Variants in RBFOX1 observed in about 807,000 individuals in gnomAD.
RBFOX1 encodes RNA binding protein fox-1 homolog 1.
A neutral mutation model predicts 57.7 loss-of-function variants in RBFOX1; 8 were observed. The ratio of observed to expected loss-of-function variants is 0.14; its 90% CI spans 0.08 to 0.25. The LOEUF (loss-of-function observed/expected upper bound fraction) is 0.25. Among genes scored for constraint, RBFOX1 ranks in the 10% least tolerant of loss-of-function variants. The pLI is 1.00. For missense variants in RBFOX1, 611 were observed against 548.5 expected (o/e 1.11, Z -1.14); for synonymous variants, 326 against 222.4 (o/e 1.47, Z -4.15).
At chr16:6,367,380 C>T (rs1173723472) in intron 2 of RBFOX1, among the ~76,000 whole-genome samples, 1 of 152,104 alleles carries the variant, frequency 6.6e-6, no homozygotes, top group Non-Finnish European at 1.5e-5. Flanking sequence ...AGGTGATTCC[C>T]CTGCCTCAGC....
chr16:6,649,287 G>A (rs1351075932), intron 2 of RBFOX1, among the ~76,000 whole-genome samples: 2 of 152,110 alleles, frequency 1.3e-5, no homozygotes, highest in Admixed American at 6.5e-5. Context: ...CTTTATTAAG[G>A]CTGAAATGGT....
chr16:7,619,253 G>GTTT (rs1316700913), intron 10 of RBFOX1, among the ~76,000 whole-genome samples: 70 of 152,174 alleles, frequency 4.6e-4, no homozygotes, highest in African/African-American at 1.6e-3. Context: ...TCTAGTGTTT[G>GTTT]GTTGATGTGC....
At chr16:7,269,003 C>G (rs921747548) in intron 4 of RBFOX1, among the ~76,000 whole-genome samples, 1 of 140,996 alleles carries the variant, frequency 7.1e-6, no homozygotes, top group Non-Finnish European at 1.5e-5. Flanking sequence ...CGCCAGTGCA[C>G]TCCAGCTTGG....
At chr16:6,079,829 C>G (rs761001159) in intron 1 of RBFOX1, among the ~76,000 whole-genome samples, 1 of 152,140 alleles carries the variant, frequency 6.6e-6, no homozygotes, top group African/African-American at 2.4e-5. Flanking sequence ...AAGCAAGACC[C>G]TGTCTCAAGC....
intron 3 of RBFOX1, among the ~76,000 whole-genome samples, chr16:6,763,043 G>T (rs2076847054): frequency 6.6e-6 from 1 of 151,940 alleles, no homozygotes; most frequent in South Asian, 2.1e-4. Context: ...ATTCATGGCT[G>T]TTTATTATTA....
intron 2 of RBFOX1, among the ~76,000 whole-genome samples, chr16:6,587,046 C>A (rs972446338): frequency 2.0e-5 from 3 of 151,970 alleles, no homozygotes; most frequent in African/African-American, 2.4e-5. Flanking sequence ...CACTTAAAAT[C>A]TATTCCTTTA....
intron 3 of RBFOX1, among the ~76,000 whole-genome samples, chr16:6,728,080 G>A (rs994355767): frequency 5.9e-5 from 9 of 152,150 alleles, no homozygotes. Context: ...TTAGCATAGA[G>A]CTAGCCACCA....
intron 4 of RBFOX1, among the ~76,000 whole-genome samples, chr16:7,102,079 T>G (rs1467641758): frequency 1.3e-5 from 2 of 152,146 alleles, no homozygotes; most frequent in Non-Finnish European, 2.9e-5. Context: ...AGGGTGCTTT[T>G]TCTAACTCAC....
chr16:5,512,808 T>C (rs2043651813), intron 2 of RBFOX1, among the ~76,000 whole-genome samples: 1 of 152,208 alleles, frequency 6.6e-6, no homozygotes, highest in African/African-American at 2.4e-5. Context: ...TTAGGATTCC[T>C]TTAGTTCTTG....
chr16:7,371,951 T>A (rs2097574392), intron 4 of RBFOX1, among the ~76,000 whole-genome samples: 1 of 151,746 alleles, frequency 6.6e-6, no homozygotes, highest in South Asian at 2.1e-4. Flanking sequence ...CTTATTTAAG[T>A]CATTCCCTTA....
At chr16:7,528,815 G>T (rs2079289607) in intron 5 of RBFOX1, among the ~76,000 whole-genome samples, 1 of 152,168 alleles carries the variant, frequency 6.6e-6, no homozygotes, top group Admixed American at 6.5e-5. Context: ...TGAATTCAAG[G>T]CTGGAAAAAG....
At chr16:6,767,354 C>T (rs187843535) in intron 3 of RBFOX1, among the ~76,000 whole-genome samples, 298 of 152,206 alleles carry the variant, frequency 2.0e-3, no homozygotes, top group African/African-American at 6.1e-3. Flanking sequence ...TTTCTCTGCC[C>T]CCCTGAGAAT....
At chr16:6,828,120 C>G (rs781713938) in intron 3 of RBFOX1, among the ~76,000 whole-genome samples, 1 of 152,136 alleles carries the variant, frequency 6.6e-6, no homozygotes, top group Non-Finnish European at 1.5e-5. Context: ...TGGCATGGGA[C>G]AGCAGTCAGG....
intron 4 of RBFOX1, among the ~76,000 whole-genome samples, chr16:7,448,823 AT>A (rs1484702073): frequency 2.0e-5 from 3 of 150,950 alleles, no homozygotes; most frequent in African/African-American, 7.3e-5. Context: ...CAGCCATTGG[AT>A]TTAGGGCCCA....
intron 1 of RBFOX1, among the ~76,000 whole-genome samples, chr16:5,385,732 C>T (rs1472508092): frequency 6.6e-6 from 1 of 152,188 alleles, no homozygotes; most frequent in Non-Finnish European, 1.5e-5. Context: ...AGCAGGGTCC[C>T]ATTTAATAGG....
chr16:7,284,959 C>T lies in RBFOX1; in HGVS notation c.27+232861C>T, dbSNP rs117388273. Among the ~76,000 whole-genome samples, 14 of 152,166 alleles carry T rather than the reference C, an allele frequency of 9.2e-5. No individual in the cohort carries two copies. In the East Asian group the frequency reaches 2.7e-3, roughly 29 times the overall value. On this transcript the variant is annotated intron_variant, in intron 4 of 15. Transcript: ENST00000550418. ...CTTTTCTGGAACATTTTCCCACCCA[C>T]CTTTCTCCTCGCCAACGCCTCATCC...
rs567513864 is a variant in RBFOX1, at chr16:6,632,770, G to A, written c.-63-21833G>A. On this transcript the variant is annotated intron_variant, in intron 2 of 15. Coordinates refer to ENST00000550418, the MANE Select transcript of RBFOX1 (RefSeq NM_018723.4). ...GCCGCAAGGCCTATGACCTCAAAGAGTGACTTAGGCTGACTTTATCAGCCT... is the reference window on the plus strand; with the variant it reads ...GCCGCAAGGCCTATGACCTCAAAGAATGACTTAGGCTGACTTTATCAGCCT... 2.0e-4 allele frequency among the ~76,000 whole-genome samples: 31 copies of A among 152,336 alleles called. 1 individual carries two copies. In the South Asian group the frequency reaches 6.0e-3, roughly 30 times the overall value.
chr16:7,542,427 A>C (rs905791522), intron 5 of RBFOX1, among the ~76,000 whole-genome samples: 1 of 152,118 alleles, frequency 6.6e-6, no homozygotes, highest in Non-Finnish European at 1.5e-5. Flanking sequence ...TGATTTACCC[A>C]AACGGGTGCA....
intron 3 of RBFOX1, among the ~76,000 whole-genome samples, chr16:6,930,324 G>T (rs1008040531): frequency 6.6e-6 from 1 of 152,116 alleles, no homozygotes; most frequent in Non-Finnish European, 1.5e-5. Context: ...CACATAAGAA[G>T]ATACCTAACA....
Sources: allele counts gnomAD v4.1 joint callset (sites outside exome capture counted in the v4.1 genomes callset), GRCh38; gene constraint gnomAD v4.1.1; transcripts MANE v1.5; gene names NCBI Gene and HGNC (gene_info 2026-07-23, HGNC 2026-07-21).